The following PGM5 variants were observed in gnomAD, a reference collection of about 807,000 sequenced individuals.
The protein encoded by PGM5 is phosphoglucomutase-like protein 5.
PGM5 carries 23 observed loss-of-function variants against 59.2 expected under a neutral mutation model. The observed-to-expected ratio is 0.39, with a 90% confidence interval of 0.28 to 0.55. PGM5 has a LOEUF of 0.55. Among genes scored for constraint, PGM5 ranks in the 20% least tolerant of loss-of-function variants. The pLI is 0.66. For synonymous variants in PGM5, 214 were observed against 286.0 expected (o/e 0.75, Z 2.54); for missense variants, 574 against 748.3 (o/e 0.77, Z 2.72).
intron 9 of PGM5, 103 bp from the exon 10 acceptor site, chr9:68,499,124 G>T (rs1824528250): frequency 1.1e-5 from 13 of 1,223,992 alleles, no homozygotes; most frequent in South Asian, 6.6e-5. Flanking sequence ...GATTCTGATT[G>T]TGTTGAGGTA....
chr9:68,425,736 G>A (rs1203574760), intron 6 of PGM5, among the ~76,000 whole-genome samples: 1 of 151,994 alleles, frequency 6.6e-6, no homozygotes, highest in East Asian at 1.9e-4. Flanking sequence ...AATCAATTGT[G>A]TTCATTGGCC....
At chr9:68,466,266 G>GTT in intron 7 of PGM5, 1 of 840,924 alleles carries the variant, frequency 1.2e-6, no homozygotes, top group Non-Finnish European at 1.5e-6. Flanking sequence ...CTCCGATACT[G>GTT]TGTGTTTTTT....
intron 8 of PGM5, among the ~76,000 whole-genome samples, 186 bp downstream of exon 8, chr9:68,479,739 C>T (rs1554686976): frequency 2.0e-5 from 3 of 152,052 alleles, no homozygotes; most frequent in Non-Finnish European, 4.4e-5. Flanking sequence ...TCGAGACCAT[C>T]CCGGCTAAAA....
intron 1 of PGM5, among the ~76,000 whole-genome samples, chr9:68,363,382 T>G (rs1270116001): frequency 6.6e-6 from 1 of 152,296 alleles, no homozygotes; most frequent in Non-Finnish European, 1.5e-5. Context: ...AAAATAGAAA[T>G]GCAAATAACC....
chr9:68,527,202 T>C (rs1824994826), intron 10 of PGM5, among the ~76,000 whole-genome samples: 1 of 152,188 alleles, frequency 6.6e-6, no homozygotes, highest in Admixed American at 6.5e-5. Context: ...CTTAAAGATG[T>C]GGAGTCAAAA....
At chr9:68,451,601 C>A (rs1823697105) in intron 6 of PGM5, among the ~76,000 whole-genome samples, 1 of 152,182 alleles carries the variant, frequency 6.6e-6, no homozygotes, top group South Asian at 2.1e-4. Context: ...AATGCTTTTG[C>A]ACAGGGCACA....
At chr9:68,482,016 G>T (rs1291911078) in intron 8 of PGM5, among the ~76,000 whole-genome samples, 1 of 152,124 alleles carries the variant, frequency 6.6e-6, no homozygotes, top group Admixed American at 6.5e-5. Context: ...TATTTTTCTT[G>T]TATGAGTAGA....
chr9:68,405,567 C>A (rs1822784715), intron 6 of PGM5, among the ~76,000 whole-genome samples: 1 of 152,298 alleles, frequency 6.6e-6, no homozygotes, highest in Admixed American at 6.5e-5. Context: ...GCCATCTGTC[C>A]TTCTTTCTCA....
intron 10 of PGM5, among the ~76,000 whole-genome samples, chr9:68,521,285 A>G (rs1312644682): frequency 1.3e-5 from 2 of 152,262 alleles, no homozygotes. Context: ...ACTCAGTGCC[A>G]GCTATTACAA....
At chr9:68,477,153 A>G (rs1020476729) in intron 7 of PGM5, among the ~76,000 whole-genome samples, 2 of 152,172 alleles carry the variant, frequency 1.3e-5, no homozygotes, top group African/African-American at 4.8e-5. Flanking sequence ...AAGACACTTC[A>G]TGGTGTGATG....
chr9:68,487,463 TACACACACAC>T (rs67566624), intron 9 of PGM5, among the ~76,000 whole-genome samples: 13 of 141,874 alleles, frequency 9.2e-5, no homozygotes, highest in Admixed American at 5.0e-4. Context: ...CACACGCACA[TACACACACAC>T]ACACACACAC....
chr9:68,396,173 A>G (rs1201890193), intron 6 of PGM5: 3 of 152,156 alleles, frequency 2.0e-5, no homozygotes, highest in Non-Finnish European at 4.4e-5. Flanking sequence ...CAATAATTTT[A>G]TGAGGTAATT....
In PGM5 at chr9:68,499,339, G is replaced by A; in HGVS notation, c.1592G>A (p.Ser531Asn). ...GCAGAGAGCTACGAGAGGGATCCCA[G>A]CGGCCATGACCAGGAGCCACAGGTA... ...LYAESYERDP[S>N]GHDQEPQAVL... Residue 531 changes from serine to asparagine, a missense_variant, in exon 10 of 11, where the codon AGC becomes AAC. Physicochemically the swap from Ser to Asn is conservative, Grantham distance 46 (BLOSUM62 1). Transcript: ENST00000396396. The A allele has an allele frequency of 1.2e-6, 2 of 1,614,138 alleles. No homozygotes were observed. The highest frequency in any genetic ancestry group is 1.7e-6 in the Non-Finnish European group (2 of 1,180,014).
chr9:68,505,858 G>A (rs1244820023), intron 10 of PGM5, among the ~76,000 whole-genome samples: 1 of 152,146 alleles, frequency 6.6e-6, no homozygotes, highest in African/African-American at 2.4e-5. Context: ...TAGGTCACGG[G>A]GTGGGGCTGA....
chr9:68,492,598 A>G (rs1371941125), intron 9 of PGM5, among the ~76,000 whole-genome samples: 1 of 152,104 alleles, frequency 6.6e-6, no homozygotes, highest in Non-Finnish European at 1.5e-5. Flanking sequence ...GGGGAAGGAG[A>G]AGCTGAAGTC....
At chr9:68,450,810 T>C (rs1396215969) in intron 6 of PGM5, among the ~76,000 whole-genome samples, 1 of 152,202 alleles carries the variant, frequency 6.6e-6, no homozygotes, top group African/African-American at 2.4e-5. Flanking sequence ...TGTGCTGGGA[T>C]TGCATGTGTC....
intron 9 of PGM5, among the ~76,000 whole-genome samples, chr9:68,494,230 A>T (rs191882009): frequency 6.4e-4 from 98 of 152,346 alleles, no homozygotes; most frequent in African/African-American, 2.3e-3. Context: ...GCTAAAAAAA[A>T]AAAATAATAA....
intron 9 of PGM5, among the ~76,000 whole-genome samples, chr9:68,494,536 C>A (rs1824452017): frequency 6.6e-6 from 1 of 152,152 alleles, no homozygotes; most frequent in Non-Finnish European, 1.5e-5. Flanking sequence ...ATCCTAATTC[C>A]CAAGTAACAC....
intron 10 of PGM5, among the ~76,000 whole-genome samples, chr9:68,528,417 A>AT (rs1221664864): frequency 1.3e-5 from 2 of 151,898 alleles, no homozygotes; most frequent in Non-Finnish European, 2.9e-5. Flanking sequence ...GCTAATTCTT[A>AT]TTTTTTGTAG....
Sources: gnomAD v4.1 joint callset for allele counts (sites outside exome capture counted in the v4.1 genomes callset) on GRCh38, gnomAD v4.1.1 for gene constraint, MANE v1.5 for transcripts, NCBI Gene and HGNC (gene_info 2026-07-23, HGNC 2026-07-21) for gene names.